The following MGST1 variants were observed in gnomAD, a reference collection of about 807,000 sequenced individuals.
The protein encoded by MGST1 is microsomal glutathione S-transferase 1, also known as glutathione S-transferase 12.
A neutral mutation model predicts 8.9 loss-of-function variants in MGST1; 5 were observed. That is an observed-to-expected ratio of 0.56 (90% CI 0.29 to 1.19). The LOEUF is 1.19. Among genes scored for constraint, MGST1 ranks in the 50% most tolerant of loss-of-function variants. The pLI, the probability that MGST1 is intolerant of heterozygous loss-of-function variation, is 0.08. For missense variants in MGST1, 182 were observed against 187.4 expected (o/e 0.97, Z 0.17); for synonymous variants, 54 against 67.8 (o/e 0.80, Z 1.00).
exon 2 of MGST1, chr12:16,438,536 G>C (rs1046341527): frequency 2.0e-5 from 3 of 151,812 alleles, no homozygotes; most frequent in Non-Finnish European, 2.9e-5. Flanking sequence ...GTGTTTGTTG[G>C]ACACAGCTTA....
chr12:16,408,925 T>C (rs977961796), intron 1 of MGST1, among the ~76,000 whole-genome samples: 1 of 152,184 alleles, frequency 6.6e-6, no homozygotes, highest in African/African-American at 2.4e-5. Context: ...ATATTTACTT[T>C]TCAATTTTGC....
At chr12:16,572,456 T>C (rs1366974483) in intron 4 of MGST1, among the ~76,000 whole-genome samples, 2 of 149,062 alleles carry the variant, frequency 1.3e-5, no homozygotes, top group African/African-American at 4.9e-5. Flanking sequence ...TACTAAGCTA[T>C]TTCCTTTATT....
chr12:16,569,269 A>G (rs1942726672), intron 4 of MGST1, among the ~76,000 whole-genome samples: 1 of 152,086 alleles, frequency 6.6e-6, no homozygotes, highest in Non-Finnish European at 1.5e-5. Flanking sequence ...CCTTATCCAA[A>G]TTTGTTTTTC....
intron 4 of MGST1, among the ~76,000 whole-genome samples, chr12:16,483,757 A>G (rs1311742010): frequency 6.6e-6 from 1 of 152,236 alleles, no homozygotes; most frequent in Non-Finnish European, 1.5e-5. Flanking sequence ...TTTCATTATC[A>G]TAATGGGAGA....
intron 4 of MGST1, among the ~76,000 whole-genome samples, chr12:16,518,031 T>A (rs982317657): frequency 1.8e-4 from 28 of 152,196 alleles, no homozygotes; most frequent in Admixed American, 1.3e-4. Context: ...TGGAAGAATG[T>A]CAGTAAATAC....
At chr12:16,539,672 A>G (rs1270179107) in intron 4 of MGST1, among the ~76,000 whole-genome samples, 1 of 152,178 alleles carries the variant, frequency 6.6e-6, no homozygotes, top group African/African-American at 2.4e-5. Context: ...ACCAGATTGA[A>G]CATCCTAAAA....
At position 16,354,310 on chromosome 12, in the gene MGST1, G is replaced by T. The variant is rs767365830; in HGVS notation, c.58G>T (p.Ala20Ser). 1 of 1,606,778 alleles carries T rather than the reference G, an allele frequency of 6.2e-7. No homozygotes were observed. The highest frequency in any genetic ancestry group is 8.5e-7 in the Non-Finnish European group (1 of 1,177,506). ...DEVFMAFASYATIILSKMMLM... is the reference protein window; with the variant it reads ...DEVFMAFASYSTIILSKMMLM... ...AGTATTCATGGCTTTTGCATCCTAT[G>T]CAACAATTATTCTTTCAAAAATGAT... Residue 20 changes from alanine to serine, a missense_variant, in exon 2 of 4, where the codon GCA (alanine) becomes TCA (serine). Physicochemically the swap from Ala to Ser is moderately conservative, Grantham distance 99 (BLOSUM62 1). Coordinates refer to ENST00000396210, the MANE Select transcript of MGST1 (RefSeq NM_020300.5).
At chr12:16,519,123 T>C (rs1941633056) in intron 4 of MGST1, among the ~76,000 whole-genome samples, 1 of 152,246 alleles carries the variant, frequency 6.6e-6, no homozygotes, top group Non-Finnish European at 1.5e-5. Context: ...ACTAGACTTT[T>C]GCCCATGGAC....
At chr12:16,395,627 T>C (rs1001577942) in intron 1 of MGST1, among the ~76,000 whole-genome samples, 16 of 151,584 alleles carry the variant, frequency 1.1e-4, no homozygotes, top group Admixed American at 9.2e-4. Context: ...TGACTTTGAA[T>C]CCCCACAGCT....
At chr12:16,370,319 A>G (rs554561846) in intron 3 of MGST1, 1 of 152,252 alleles carries the variant, frequency 6.6e-6, no homozygotes, top group East Asian at 1.9e-4. Flanking sequence ...TATCGCCTCT[A>G]TAACTAAGTT....
chr12:16,355,073 T>C (rs1364996744), intron 2 of MGST1, among the ~76,000 whole-genome samples: 1 of 152,136 alleles, frequency 6.6e-6, no homozygotes, highest in Non-Finnish European at 1.5e-5. Flanking sequence ...ACGGGGGTAG[T>C]CCCTGTGCTC....
downstream of MGST1, among the ~76,000 whole-genome samples, chr12:16,378,246 C>T (rs929058312): frequency 6.6e-6 from 1 of 152,046 alleles, no homozygotes; most frequent in African/African-American, 2.4e-5. Flanking sequence ...AATGGTATTG[C>T]CTAGGTTTTC....
At chr12:16,439,556 A>G (rs1941021031), downstream of MGST1, among the ~76,000 whole-genome samples, 1 of 151,752 alleles carries the variant, frequency 6.6e-6, no homozygotes, top group Non-Finnish European at 1.5e-5. Context: ...TCTGTCCCCA[A>G]ACACTGGTGG....
Position 16,555,703 on chromosome 12 carries a change from C to G in MGST1, n.483-33825C>G, listed in dbSNP as rs1942166492. ...TCCATGTGCCTACCAAACCGCTTCT[C>G]TAATCTCTGAACATACTGAGCCGCT... On this transcript the variant is annotated intron_variant and non_coding_transcript_variant, in intron 4 of 4. Coordinates refer to the MGST1 transcript ENST00000538857. This position sits in a 1 kb window ranked among gnomAD's most constrained non-coding sequence, Gnocchi z 5.5. 6.6e-6 allele frequency among the ~76,000 whole-genome samples: 1 copy of G among 152,190 alleles called. No individual in the cohort carries two copies.
At chr12:16,373,451 G>A (rs1289607206) in intron 3 of MGST1, among the ~76,000 whole-genome samples, 5 of 151,878 alleles carry the variant, frequency 3.3e-5, no homozygotes, top group Non-Finnish European at 5.9e-5. Flanking sequence ...TTGAGGTGAT[G>A]AATACCCCAA....
chr12:16,421,673 C>T (rs1384908993), intron 1 of MGST1, among the ~76,000 whole-genome samples: 1 of 152,138 alleles, frequency 6.6e-6, no homozygotes, highest in Non-Finnish European at 1.5e-5. Context: ...TGGGATAGGT[C>T]CATGGACGTA....
At chr12:16,493,788 G>A (rs1330236677) in intron 4 of MGST1, among the ~76,000 whole-genome samples, 3 of 152,108 alleles carry the variant, frequency 2.0e-5, no homozygotes, top group Non-Finnish European at 4.4e-5. Flanking sequence ...GTTCCGTCTA[G>A]GACTTCAAAT....
intron 1 of MGST1, among the ~76,000 whole-genome samples, chr12:16,387,256 A>G (rs1272132087): frequency 1.3e-5 from 2 of 152,224 alleles, no homozygotes; most frequent in African/African-American, 4.8e-5. Context: ...GATGGAGCAT[A>G]TATATGGCTG....
At chr12:16,437,812 G>A (rs2137099822) in exon 2 of MGST1, 1 of 151,942 alleles carries the variant, frequency 6.6e-6, no homozygotes, top group South Asian at 2.1e-4. Context: ...ACGCCCCACA[G>A]ATGTATTTAT....
Sources: allele counts gnomAD v4.1 joint callset (sites outside exome capture counted in the v4.1 genomes callset), GRCh38; gene constraint gnomAD v4.1.1; non-coding constraint Gnocchi (gnomAD v3.1); transcripts MANE v1.5; gene names NCBI Gene and HGNC (gene_info 2026-07-23, HGNC 2026-07-21).